Variants in MYOZ1 observed in about 807,000 individuals in gnomAD.
MYOZ1 encodes the protein myozenin 1.
MYOZ1 carries 20 observed loss-of-function variants against 28.7 expected under a neutral mutation model. The observed-to-expected ratio is 0.70, with a 90% CI of 0.49 to 1.01. The LOEUF (loss-of-function observed/expected upper bound fraction) is 1.01, where lower values mean the gene tolerates loss of function less well. Ranked by LOEUF, MYOZ1 falls within the 50% of genes least tolerant of loss-of-function variation. The pLI is 0.00. For missense variants in MYOZ1, 371 were observed against 372.4 expected, an observed-to-expected ratio of 1.00 and a Z score of 0.03; for synonymous variants, 144 against 145.8, an observed-to-expected ratio of 0.99 and a Z score of 0.09.
At chr10:73,641,011 T>A (rs1015914655) in intron 1 of MYOZ1, among the ~76,000 whole-genome samples, 1 of 151,976 alleles carries the variant, frequency 6.6e-6, no homozygotes, top group Non-Finnish European at 1.5e-5. Context: ...CAGTGGGGAA[T>A]TGAGGTGGGG....
Position 73,637,727 on chromosome 10 carries a change from T to C in MYOZ1, c.252+17A>G, listed in dbSNP as rs1053814984. The C allele has an allele frequency of 1.3e-6, 2 of 1,599,378 alleles. No individual in the cohort carries two copies. Among genetic ancestry groups the C allele is most frequent in the Non-Finnish European group, 1.7e-6 (2 of 1,171,472 alleles). ...CAGGCACCAGGCTTTGAGATAGTGA[T>C]AAAGTTCCAGACTCACCATTGAGCT... On this transcript the variant is annotated intron_variant, in intron 3 of 5. Transcript: ENST00000359322.
intron 5 of MYOZ1, among the ~76,000 whole-genome samples, chr10:73,632,858 G>A (rs1017772265): frequency 4.0e-5 from 6 of 151,686 alleles, no homozygotes; most frequent in Admixed American, 1.3e-4. Flanking sequence ...GCCTGGCTAA[G>A]AGTAATTATT....
At chr10:73,638,727 C>T (rs909451158) in intron 2 of MYOZ1, among the ~76,000 whole-genome samples, 2 of 151,262 alleles carry the variant, frequency 1.3e-5, no homozygotes, top group Admixed American at 6.6e-5. Flanking sequence ...AGTGCAATGG[C>T]GCGATTGCAG....
Position 73,631,856 on chromosome 10 carries a change from G to T in MYOZ1, c.*74C>A. ...TAAGGATACTGGATTAACAATGGGG[G>T]CTATCTGCTCAGCATTCCCTCTCCA... On this transcript the variant is annotated 3_prime_UTR_variant, in exon 6 of 6. Transcript: ENST00000359322. The T allele has an allele frequency of 8.0e-7, 1 of 1,257,026 alleles. No homozygotes were observed. The highest frequency in any genetic ancestry group is 1.2e-6 in the Non-Finnish European group (1 of 867,898). The allele number at this position is 1,257,026 out of a possible 1,614,324, so 77.9% of individuals were successfully genotyped here. A position where few individuals can be genotyped will look rare whatever the true frequency, so the allele number is the denominator to read the frequency against.
chr10:73,635,176 G>A (rs1482752117), intron 3 of MYOZ1, among the ~76,000 whole-genome samples: 4 of 151,836 alleles, frequency 2.6e-5, no homozygotes, highest in South Asian at 2.1e-4. Context: ...CACCCACCTC[G>A]GCCTCCCAAA....
At position 73,639,935 on chromosome 10, in the gene MYOZ1, C is replaced by A. The variant is rs1409317460; in HGVS notation, c.73+10G>T. On this transcript the variant is annotated intron_variant, in intron 2 of 5. Transcript: ENST00000359322. ...AAGTCCCACACTAGGGAGATGCAAACATGTCCTACCTCCAGTGAGTTCCAT... is the reference window on the plus strand; with the variant it reads ...AAGTCCCACACTAGGGAGATGCAAAAATGTCCTACCTCCAGTGAGTTCCAT... 3.7e-6 allele frequency: 6 copies of A among 1,613,564 alleles called. No homozygotes were observed. Among genetic ancestry groups the A allele is most frequent in the Non-Finnish European group, 5.1e-6 (6 of 1,179,670 alleles).
intron 5 of MYOZ1, among the ~76,000 whole-genome samples, chr10:73,633,055 G>C (rs2081644572): frequency 6.6e-6 from 1 of 152,154 alleles, no homozygotes; most frequent in African/African-American, 2.4e-5. Context: ...CCAGCACTTT[G>C]GGAGCCCGAG....
At position 73,631,817 on chromosome 10, in the gene MYOZ1, T is replaced by G; in HGVS notation, c.*113A>C. On this transcript the variant is annotated 3_prime_UTR_variant, in exon 6 of 6. Transcript: ENST00000359322. ...GATGGAAAGGTAGATCTCTCCTTTTTCCCTCCATTCCCATAAGGATACTGG... is the reference window on the plus strand; with the variant it reads ...GATGGAAAGGTAGATCTCTCCTTTTGCCCTCCATTCCCATAAGGATACTGG... 7 of 911,268 alleles carry G rather than the reference T, an allele frequency of 7.7e-6. No homozygotes were observed. In the East Asian group the frequency reaches 7.9e-5, roughly 10 times the overall value. The allele number at this position is 911,268 out of a possible 1,614,324, so 56.4% of individuals were successfully genotyped here.
intron 2 of MYOZ1, among the ~76,000 whole-genome samples, chr10:73,638,799 C>T (rs1342443513): frequency 1.3e-5 from 2 of 150,894 alleles, no homozygotes; most frequent in Admixed American, 6.6e-5. Context: ...CCCAAGTAGC[C>T]GGGATTACAG....
At chr10:73,635,191 C>G (rs553921943) in intron 3 of MYOZ1, among the ~76,000 whole-genome samples, 1 of 151,474 alleles carries the variant, frequency 6.6e-6, no homozygotes, top group South Asian at 2.1e-4. Context: ...CCCAAAGTGC[C>G]GGGATTACAG....
chr10:73,632,149 G>A lies in MYOZ1; in HGVS notation c.681C>T (p.Pro227=). The A allele has an allele frequency of 6.2e-7, 1 of 1,614,040 alleles. No individual in the cohort carries two copies. The highest frequency in any genetic ancestry group is 1.1e-5 in the South Asian group (1 of 91,062). ...KYKSFNRTAM[P]YGGYEKASKR... ...TGGAGGCCTTCTCATATCCACCATA[G>A]GGCATTGCCGTCCTGAGAAGGGGAC... is the stretch of plus-strand genomic sequence containing the variant. The change falls in exon 6 of 6, where the codon CCC becomes CCT. Residue 227 remains proline (P), a synonymous_variant. Transcript: ENST00000359322.
intron 2 of MYOZ1, 94 bp downstream of exon 2, chr10:73,639,851 T>A: frequency 7.8e-7 from 1 of 1,279,404 alleles, no homozygotes; most frequent in East Asian, 2.4e-5. Context: ...TTAATTTCTC[T>A]TGTTTGTTCA....
chr10:73,632,485 TGCGGTGCGGTG>T (rs1455503804), intron 5 of MYOZ1, among the ~76,000 whole-genome samples: 1 of 151,940 alleles, frequency 6.6e-6, no homozygotes, highest in Admixed American at 6.6e-5. Context: ...AAAGGCCAGG[TGCGGTGCGGTG>T]GCTCACGCCT....
chr10:73,640,680 G>A (rs1239171692), intron 1 of MYOZ1, among the ~76,000 whole-genome samples: 2 of 152,116 alleles, frequency 1.3e-5, no homozygotes, highest in African/African-American at 4.8e-5. Context: ...TCATTGGCTT[G>A]GCATGATTTG....
chr10:73,634,505 C>G lies in MYOZ1; in HGVS notation c.481G>C (p.Gly161Arg), dbSNP rs531424148. Residue 161 changes from glycine (G) to arginine (R), a missense_variant, in exon 4 of 6, where the codon GGG becomes CGG. Gly to Arg is a moderately radical substitution (Grantham distance 125). Coordinates refer to ENST00000359322, the MANE Select transcript of MYOZ1 (RefSeq NM_021245.4). ...TTGCCTGATCCTGTCTCACCAACCC[C>G]TGCTGTGCCAGCAGCTCCTCCTCTG... is the stretch of plus-strand genomic sequence containing the variant. The part of the protein sequence containing the change: ...AGRGGAAGTA[G>R]VGETGSGDQA... 1 of 1,614,168 alleles carries G rather than the reference C, an allele frequency of 6.2e-7. No individual in the cohort carries two copies. Among genetic ancestry groups the G allele is most frequent in the South Asian group, 1.1e-5 (1 of 91,078 alleles).
At chr10:73,637,977 G>A (rs1404611338) in intron 2 of MYOZ1, 55 bp from the exon 3 acceptor site, 2 of 1,549,782 alleles carry the variant, frequency 1.3e-6, no homozygotes, top group Non-Finnish European at 1.8e-6. Context: ...AGGGTTTTCT[G>A]GGCTCAGAAT....
At position 73,632,714 on chromosome 10, in the gene MYOZ1, G is replaced by T. The variant is rs184462481; in HGVS notation, c.669-553C>A. On this transcript the variant is annotated intron_variant, in intron 5 of 5. Coordinates refer to ENST00000359322, the MANE Select transcript of MYOZ1 (RefSeq NM_021245.4). ...TATAGGAATTGCTTGAACCCAGGAG[G>T]TGGAGGTTGCAGTGAGCCGAGACTG... Among the ~76,000 whole-genome samples the T allele has an allele frequency of 6.0e-5, 9 of 151,030 alleles. No homozygotes were observed. In the East Asian group the frequency reaches 1.6e-3, roughly 26 times the overall value.
intron 4 of MYOZ1, 120 bp downstream of exon 4, chr10:73,634,364 T>C: frequency 2.7e-6 from 3 of 1,121,694 alleles, no homozygotes; most frequent in East Asian, 5.4e-5. Flanking sequence ...GATATTATTA[T>C]ATTTAATATT....
At chr10:73,632,658 CCT>C (rs1440913484) in intron 5 of MYOZ1, among the ~76,000 whole-genome samples, 1 of 151,524 alleles carries the variant, frequency 6.6e-6, no homozygotes, top group East Asian at 1.9e-4. Flanking sequence ...GTGGCGCACC[CCT>C]GTCATCCCAG....
Sources: allele counts gnomAD v4.1 joint callset (sites outside exome capture counted in the v4.1 genomes callset), GRCh38; gene constraint gnomAD v4.1.1; transcripts MANE v1.5; gene names NCBI Gene and HGNC (gene_info 2026-07-23, HGNC 2026-07-21).